CHPF2: variants seen among roughly 807,000 people sequenced by gnomAD.
CHPF2 encodes the protein chondroitin polymerizing factor 2.
Under a neutral mutation model 63.0 loss-of-function variants are expected in CHPF2, and 58 were observed. That is an observed-to-expected ratio of 0.92 (90% CI 0.75 to 1.15). The LOEUF is 1.15. CHPF2 is among the 50% of genes most tolerant of loss of function. CHPF2 has a pLI of 0.00. For missense variants in CHPF2, 1,045 were observed against 1,035.4 expected, an observed-to-expected ratio of 1.01 and a Z score of -0.13; for synonymous variants, 442 against 438.0, an observed-to-expected ratio of 1.01 and a Z score of -0.11.
Position 151,234,208 on chromosome 7 carries a change from A to T in CHPF2, c.197A>T (p.Glu66Val). The T allele has an allele frequency of 1.2e-6, 2 of 1,613,196 alleles. No individual in the cohort carries two copies. The highest frequency in any genetic ancestry group is 1.7e-6 in the Non-Finnish European group (2 of 1,179,592). ...DSRARLDQSD[E>V]DFKPRIVPYY... is the part of the protein sequence containing the mutation. ...AGAGCTCGGCTAGACCAAAGTGATGAAGACTTCAAACCCCGGATTGTCCCC... is the reference window on the plus strand; with the variant it reads ...AGAGCTCGGCTAGACCAAAGTGATGTAGACTTCAAACCCCGGATTGTCCCC... The change falls in exon 1 of 4, where the codon GAA becomes GTA. Residue 66 changes from glutamate (E) to valine (V), a missense_variant. Coordinates refer to ENST00000035307, the MANE Select transcript of CHPF2 (RefSeq NM_019015.3).
rs1802714216 is a variant in CHPF2 at position 151,237,680 on chromosome 7, CG to C, written c.1322del (p.Gly441AlafsTer13). 1 of 1,613,122 alleles carries C rather than the reference CG, an allele frequency of 6.2e-7. No individual in the cohort carries two copies. ...CGGCTATCGGCGCTTCGACCCAGCACGGGGCATGGAGTACACCCTGGACCTG... is the reference window on the plus strand; with the variant it reads ...CGGCTATCGGCGCTTCGACCCAGCACGGGCATGGAGTACACCCTGGACCTG... ...LNGYRRFDPA[R>X]GMEYTLDLLL... On this transcript the variant is annotated frameshift_variant, in exon 4 of 4. Transcript: ENST00000035307. LOFTEE classifies it high-confidence loss of function.
In CHPF2 at chr7:151,238,342, AG is replaced by A. The variant is rs746345053; in HGVS notation, c.1986del (p.Arg663AspfsTer42). 30 of 1,609,004 alleles carry A rather than the reference AG, an allele frequency of 1.9e-5. No individual in the cohort carries two copies. In the South Asian group the frequency reaches 3.1e-4, roughly 17 times the overall value. ...CTGACCCCTCCCGGGGGGCTCCTAT[AG>A]GGGGGAGATTTGACCGGCAGGCTTC... ...GADPSRGAPI[G>X]GRFDRQASAE... On this transcript the variant is annotated frameshift_variant, in exon 4 of 4. Transcript: ENST00000035307. LOFTEE classifies it high-confidence loss of function.
Position 151,234,306 on chromosome 7 carries a change from C to CA in CHPF2, c.263+33dup, listed in dbSNP as rs1195233603. The CA allele has an allele frequency of 2.1e-6, 3 of 1,456,296 alleles. No individual in the cohort carries two copies. In the African/African-American group the frequency reaches 4.3e-5, roughly 21 times the overall value. The allele number at this position is 1,456,296 out of a possible 1,614,324, so 90.2% of individuals were successfully genotyped here. ...GCAACATGTGTGCATAGTCCCCAGA[C>CA]ACTGGCCCTGTTTTGGGCTGGTGTA... On this transcript the variant is annotated intron_variant, in intron 1 of 3. Coordinates refer to ENST00000035307, the MANE Select transcript of CHPF2 (RefSeq NM_019015.3).
chr7:151,233,438 C>A lies in CHPF2; in HGVS notation c.-574C>A. ...AGTAGAAAGAGGCTCTGGCCCCTTC[C>A]CTTGTGCCCACCGGGCCTGCCGCAG... is the stretch of plus-strand genomic sequence containing the variant. On this transcript the variant is annotated 5_prime_UTR_variant, in exon 1 of 4. Coordinates refer to ENST00000035307, the MANE Select transcript of CHPF2 (RefSeq NM_019015.3). The A allele has an allele frequency of 1.0e-6, 1 of 985,710 alleles. No homozygotes were observed. Among genetic ancestry groups the A allele is most frequent in the Non-Finnish European group, 1.2e-6 (1 of 830,142 alleles). 61.1% of individuals were successfully genotyped at this position (985,710 alleles called of 1,614,324 possible). A position where few individuals can be genotyped will look rare whatever the true frequency, so the allele number is the denominator to read the frequency against.
chr7:151,236,639 G>C (rs1196321566), intron 3 of CHPF2, 49 bp downstream of exon 3: 1 of 1,461,304 alleles, frequency 6.8e-7, no homozygotes, highest in Non-Finnish European at 9.1e-7. Context: ...CAGAGGGTCA[G>C]AGAGAGCCTG....
At position 151,234,050 on chromosome 7, in the gene CHPF2, G is replaced by A. The variant is rs1375472221; in HGVS notation, c.39G>A (p.Ala13=). The change falls in exon 1 of 4, where the codon GCG becomes GCA. Residue 13 remains alanine, a synonymous_variant. Coordinates refer to ENST00000035307, the MANE Select transcript of CHPF2 (RefSeq NM_019015.3). ...CCCTGTTGGCTCTGCTGCGGCCAGC[G>A]CTTCCCCTCATCTTAGGGCTGTCTC... ...LSSLLALLRP[A]LPLILGLSLG... 3.2e-6 allele frequency: 5 copies of A among 1,563,080 alleles called. No homozygotes were observed. The highest frequency in any genetic ancestry group is 3.5e-6 in the Non-Finnish European group (4 of 1,155,062).
Position 151,232,886 on chromosome 7 carries a change from C to A in CHPF2, c.-1126C>A. On this transcript the variant is annotated 5_prime_UTR_variant, in exon 1 of 4. Coordinates refer to ENST00000035307, the MANE Select transcript of CHPF2 (RefSeq NM_019015.3). ...GAACGACCCGAGCTGGTCTCCCGAG[C>A]CCCCTTCTCAGCAGCCCGGTGACGT... 2.9e-6 allele frequency: 4 copies of A among 1,390,224 alleles called. No homozygotes were observed. Among genetic ancestry groups the A allele is most frequent in the Non-Finnish European group, 3.7e-6 (4 of 1,077,174 alleles). 86.1% of individuals were successfully genotyped at this position (1,390,224 alleles called of 1,614,324 possible).
chr7:151,237,529 G>A lies in CHPF2; in HGVS notation c.1167G>A (p.Gly389=), dbSNP rs777157956. The A allele has an allele frequency of 4.3e-6, 7 of 1,614,002 alleles. No individual in the cohort carries two copies. The highest frequency in any genetic ancestry group is 2.2e-5 in the East Asian group (1 of 44,892). Reference sequence around the variant, plus strand: ...AGCACACCTTCTCCTGTGCAGATGGGGCTCCCAAGTGCCCACTACAGGGGG... The same window carrying A: ...AGCACACCTTCTCCTGTGCAGATGGAGCTCCCAAGTGCCCACTACAGGGGG... ...TEQHTFSCAD[G]APKCPLQGAS... The change falls in exon 4 of 4, where the codon GGG becomes GGA. Residue 389 remains glycine (G), a synonymous_variant. Transcript: ENST00000035307.
At chr7:151,236,210 G>C (rs1802642727) in intron 2 of CHPF2, among the ~76,000 whole-genome samples, 198 bp from the exon 3 acceptor site, 1 of 152,220 alleles carries the variant, frequency 6.6e-6, no homozygotes, top group Non-Finnish European at 1.5e-5. Flanking sequence ...AGTGTCCTTA[G>C]TTGCCTACTT....
rs759050235 is a variant in CHPF2, at chr7:151,238,155, G to T, written c.1793G>T (p.Arg598Met). ...TLFFLTTVWTRPGPEVLNRCR... is the reference protein window; with the variant it reads ...TLFFLTTVWTMPGPEVLNRCR... ...TTCTTCCTTACCACCGTGTGGACAA[G>T]GCCTGGGCCCGAAGTCCTCAACCGC... is the stretch of plus-strand genomic sequence containing the variant. The change falls in exon 4 of 4, where the codon AGG (arginine) becomes ATG (methionine). Residue 598 changes from arginine to methionine, a missense_variant. Coordinates refer to ENST00000035307, the MANE Select transcript of CHPF2 (RefSeq NM_019015.3). The T allele has an allele frequency of 3.7e-6, 6 of 1,612,578 alleles. No homozygotes were observed. Among genetic ancestry groups the T allele is most frequent in the Non-Finnish European group, 5.1e-6 (6 of 1,180,026 alleles).
Position 151,237,812 on chromosome 7 carries a change from A to T in CHPF2, c.1450A>T (p.Thr484Ser). ...GGAAATCCTACCTATGCCCTATGTCACTGAGGCCACCCGAGTGCAGCTGGT... is the reference window on the plus strand; with the variant it reads ...GGAAATCCTACCTATGCCCTATGTCTCTGAGGCCACCCGAGTGCAGCTGGT... The part of the protein sequence containing the change: ...RVEILPMPYV[T>S]EATRVQLVLP... Residue 484 changes from threonine (T) to serine (S), a missense_variant, in exon 4 of 4, where the codon ACT becomes TCT. Physicochemically the swap from Thr to Ser is moderately conservative, Grantham distance 58 (BLOSUM62 1). Coordinates refer to ENST00000035307, the MANE Select transcript of CHPF2 (RefSeq NM_019015.3). 1 of 1,612,612 alleles carries T rather than the reference A, an allele frequency of 6.2e-7. No homozygotes were observed. The highest frequency in any genetic ancestry group is 8.5e-7 in the Non-Finnish European group (1 of 1,180,006).
chr7:151,233,923 C>G lies in CHPF2; in HGVS notation c.-89C>G. The G allele has an allele frequency of 7.1e-7, 1 of 1,399,836 alleles. No individual in the cohort carries two copies. Among genetic ancestry groups the G allele is most frequent in the Non-Finnish European group, 9.3e-7 (1 of 1,078,628 alleles). 86.7% of individuals were successfully genotyped at this position (1,399,836 alleles called of 1,614,324 possible). ...TTGACCCCAGGTTCTCTGGTTAAAA[C>G]TGAAAGCCTACTACTGGCCTGGTGC... On this transcript the variant is annotated 5_prime_UTR_variant, in exon 1 of 4. Coordinates refer to ENST00000035307, the MANE Select transcript of CHPF2 (RefSeq NM_019015.3).
Position 151,234,163 on chromosome 7 carries a change from G to A in CHPF2, c.152G>A (p.Gly51Glu). The change falls in exon 1 of 4, where the codon GGG (glycine) becomes GAG (glutamate). Residue 51 changes from glycine (G) to glutamate (E), a missense_variant. Gly to Glu is a moderately conservative substitution (Grantham distance 98, BLOSUM62 -2). Transcript: ENST00000035307. ...GTCGAGGCTGTAGGGGAGCGAGGAG[G>A]GCCACAGAATCCAGATTCCAGAGCT... Reference protein sequence around the residue: ...PCVEAVGERGGPQNPDSRARL... With the variant: ...PCVEAVGERGEPQNPDSRARL... The A allele has an allele frequency of 1.2e-6, 2 of 1,613,606 alleles. No individual in the cohort carries two copies. Among genetic ancestry groups the A allele is most frequent in the Non-Finnish European group, 1.7e-6 (2 of 1,179,782 alleles).
rs963929849 is a variant in CHPF2, at chr7:151,233,589, G to A, written c.-423G>A. ...GGGCTGTTGTTTTGATGGATCGTGT[G>A]CTTTTCCCTTACCTCTTATCACTTG... On this transcript the variant is annotated 5_prime_UTR_variant, in exon 1 of 4. Transcript: ENST00000035307. 21 of 989,064 alleles carry A rather than the reference G, an allele frequency of 2.1e-5. No individual in the cohort carries two copies. Among genetic ancestry groups the A allele is most frequent in the Middle Eastern group, 5.1e-4 (1 of 1,958 alleles). The allele number at this position is 989,064 out of a possible 1,614,324, so 61.3% of individuals were successfully genotyped here.
chr7:151,233,120 T>A lies in CHPF2; in HGVS notation c.-892T>A. The A allele has an allele frequency of 8.7e-7, 1 of 1,154,420 alleles. No homozygotes were observed. Among genetic ancestry groups the A allele is most frequent in the Non-Finnish European group, 1.1e-6 (1 of 937,728 alleles). 71.5% of individuals were successfully genotyped at this position (1,154,420 alleles called of 1,614,324 possible). On this transcript the variant is annotated 5_prime_UTR_variant, in exon 1 of 4. Transcript: ENST00000035307. The stretch of plus-strand genomic sequence containing the variant: ...GCTGCTTGTGCTCTCTCTTTGCTTT[T>A]GGTTTGCTTCATTTGGCCCCTGGGG...
At position 151,237,941 on chromosome 7, in the gene CHPF2, C is replaced by A. The variant is rs1802732320; in HGVS notation, c.1579C>A (p.Leu527Met). The change falls in exon 4 of 4, where the codon CTG becomes ATG. Residue 527 changes from leucine (L) to methionine (M), a missense_variant. Transcript: ENST00000035307. Reference protein sequence around the residue: ...PREHALLTLLLVYGPREGGRG... With the variant: ...PREHALLTLLMVYGPREGGRG... ...AGAACATGCATTGCTCACCCTGTTGCTGGTCTACGGGCCACGAGAAGGTGG... is the reference window on the plus strand; with the variant it reads ...AGAACATGCATTGCTCACCCTGTTGATGGTCTACGGGCCACGAGAAGGTGG... 6.2e-7 allele frequency: 1 copy of A among 1,613,122 alleles called. No individual in the cohort carries two copies. The highest frequency in any genetic ancestry group is 2.2e-5 in the East Asian group (1 of 44,874).
In CHPF2 at chr7:151,237,625, C is replaced by T. The variant is rs1462567918; in HGVS notation, c.1263C>T (p.Arg421=). ...AGCTCAATCGGCGCTATCAGCCCCGCCTGCGCTTCCAGAAGCAGCGACTGC... is the reference window on the plus strand; with the variant it reads ...AGCTCAATCGGCGCTATCAGCCCCGTCTGCGCTTCCAGAAGCAGCGACTGC... ...LEQLNRRYQP[R]LRFQKQRLLN... The change falls in exon 4 of 4, where the codon CGC becomes CGT. Residue 421 remains arginine, a synonymous_variant. Coordinates refer to ENST00000035307, the MANE Select transcript of CHPF2 (RefSeq NM_019015.3). 2 of 1,613,262 alleles carry T rather than the reference C, an allele frequency of 1.2e-6. No homozygotes were observed. Among genetic ancestry groups the T allele is most frequent in the Admixed American group, 3.3e-5 (2 of 60,038 alleles).
At chr7:151,234,411 C>G (rs1229754470) in intron 1 of CHPF2, 137 bp downstream of exon 1, 4 of 598,124 alleles carry the variant, frequency 6.7e-6, no homozygotes, top group Non-Finnish European at 1.1e-5. Flanking sequence ...ATCATGGTTT[C>G]TTTCTGTTTT....
rs139755104 is a variant in CHPF2, at chr7:151,237,954, C to T, written c.1592C>T (p.Pro531Leu). The part of the protein sequence containing the change: ...ALLTLLLVYG[P>L]REGGRGAPDP... ...CTCACCCTGTTGCTGGTCTACGGGCCACGAGAAGGTGGCCGTGGAGCTCCA... is the reference window on the plus strand; with the variant it reads ...CTCACCCTGTTGCTGGTCTACGGGCTACGAGAAGGTGGCCGTGGAGCTCCA... The change falls in exon 4 of 4, where the codon CCA becomes CTA. Residue 531 changes from proline (P) to leucine (L), a missense_variant. Pro to Leu is a moderately conservative substitution (Grantham distance 98). Coordinates refer to ENST00000035307, the MANE Select transcript of CHPF2 (RefSeq NM_019015.3). 5.0e-6 allele frequency: 8 copies of T among 1,613,060 alleles called. No homozygotes were observed. The African/African-American group carries it at 6.7e-5, about 13-fold the overall frequency.
Sources: allele counts gnomAD v4.1 joint callset (sites outside exome capture counted in the v4.1 genomes callset), GRCh38; gene constraint gnomAD v4.1.1; transcripts MANE v1.5; gene names NCBI Gene and HGNC (gene_info 2026-07-23, HGNC 2026-07-21).